ENTREP2: variants seen among roughly 807,000 people sequenced by gnomAD.
ENTREP2 encodes protein ENTREP2.
At chr15:29,275,628 C>T in the ENTREP2 span, among the ~76,000 whole-genome samples, 1 of 152,214 alleles carries the variant, frequency 6.6e-6, no homozygotes, top group African/African-American at 2.4e-5. Flanking sequence ...GAAATGCCTA[C>T]TACAAATTGC....
chr15:29,124,277 G>A, the ENTREP2 span, among the ~76,000 whole-genome samples: 3 of 152,198 alleles, frequency 2.0e-5, no homozygotes, highest in Non-Finnish European at 4.4e-5. Flanking sequence ...GGCGAGGGAC[G>A]CCAACAAGGA....
chr15:29,166,224 G>A, the ENTREP2 span, among the ~76,000 whole-genome samples: 1 of 152,130 alleles, frequency 6.6e-6, no homozygotes, highest in Non-Finnish European at 1.5e-5. Flanking sequence ...AATACTGAAT[G>A]GGGAAAAACT....
the ENTREP2 span, among the ~76,000 whole-genome samples, chr15:29,587,394 G>T: frequency 6.6e-6 from 1 of 152,048 alleles, no homozygotes; most frequent in African/African-American, 2.4e-5. Context: ...GGGTTCAGGA[G>T]CCCACTTTAG....
chr15:29,337,328 G>C, the ENTREP2 span, among the ~76,000 whole-genome samples: 1 of 152,272 alleles, frequency 6.6e-6, no homozygotes, highest in East Asian at 1.9e-4. Flanking sequence ...TGGGGGCATG[G>C]AGAACAGTGT....
At chr15:29,627,945 C>A in the ENTREP2 span, among the ~76,000 whole-genome samples, 4 of 152,194 alleles carry the variant, frequency 2.6e-5, no homozygotes, top group African/African-American at 7.2e-5. Flanking sequence ...CTGCTGTGAA[C>A]AGCAATGAAC....
chr15:29,166,300 T>C, the ENTREP2 span, among the ~76,000 whole-genome samples: 19 of 152,212 alleles, frequency 1.2e-4, no homozygotes, highest in African/African-American at 4.6e-4. Flanking sequence ...CTCTTCAACA[T>C]ACTACTGAAG....
chr15:29,505,890 CAA>C, the ENTREP2 span, among the ~76,000 whole-genome samples: 1 of 152,022 alleles, frequency 6.6e-6, no homozygotes, highest in Non-Finnish European at 1.5e-5. This position sits in a 1 kb window ranked among gnomAD's most constrained non-coding sequence, Gnocchi z 4.3. Context: ...AACAAGAAAA[CAA>C]AACTGGACAG....
the ENTREP2 span, among the ~76,000 whole-genome samples, chr15:29,201,713 A>G: frequency 2.6e-5 from 4 of 152,196 alleles, no homozygotes; most frequent in African/African-American, 9.7e-5. Flanking sequence ...ATATTACATT[A>G]ATAAGGGATA....
At chr15:29,369,732 A>C in the ENTREP2 span, among the ~76,000 whole-genome samples, 1 of 152,238 alleles carries the variant, frequency 6.6e-6, no homozygotes, top group East Asian at 1.9e-4. Context: ...GGTTTGTCCC[A>C]GTCAAAACTC....
At chr15:29,539,799 C>T in the ENTREP2 span, among the ~76,000 whole-genome samples, 79 of 152,274 alleles carry the variant, frequency 5.2e-4, no homozygotes, top group African/African-American at 1.9e-3. Context: ...GAACAGTGCC[C>T]CACATCCTGC....
At chr15:29,471,548 T>A in the ENTREP2 span, among the ~76,000 whole-genome samples, 1 of 151,894 alleles carries the variant, frequency 6.6e-6, no homozygotes, top group Admixed American at 6.6e-5. Context: ...GGCTGGCAGA[T>A]CCCTAGGAAT....
chr15:29,472,319 C>T, the ENTREP2 span, among the ~76,000 whole-genome samples: 8 of 151,916 alleles, frequency 5.3e-5, no homozygotes, highest in Non-Finnish European at 2.9e-5. Flanking sequence ...GGGCAGGTCT[C>T]GATAATCAAA....
At chr15:29,567,357 A>C in the ENTREP2 span, among the ~76,000 whole-genome samples, 2 of 152,128 alleles carry the variant, frequency 1.3e-5, no homozygotes, top group East Asian at 3.8e-4. Flanking sequence ...GGCATGTTTT[A>C]TGCTTTTCCT....
At chr15:29,289,838 T>TC in the ENTREP2 span, among the ~76,000 whole-genome samples, 3 of 151,998 alleles carry the variant, frequency 2.0e-5, no homozygotes, top group Non-Finnish European at 4.4e-5. Flanking sequence ...AGAGTGAGAC[T>TC]CCATCTCAAA....
the ENTREP2 span, among the ~76,000 whole-genome samples, chr15:29,214,606 G>A: frequency 6.6e-6 from 1 of 151,420 alleles, no homozygotes; most frequent in African/African-American, 2.4e-5. Flanking sequence ...GTTAATGGGT[G>A]CAGCACACCA....
the ENTREP2 span, among the ~76,000 whole-genome samples, chr15:29,557,880 G>A: frequency 2.0e-5 from 3 of 152,130 alleles, no homozygotes; most frequent in Admixed American, 6.5e-5. Context: ...TGTGCCAACC[G>A]CTCATGCCTA....
chr15:29,136,496 A>G, the ENTREP2 span: 9 of 1,547,696 alleles, frequency 5.8e-6, no homozygotes, highest in East Asian at 2.5e-5. Flanking sequence ...GTCCAGGTGG[A>G]GGCCCCTGAA....
chr15:29,479,787 C>T, the ENTREP2 span, among the ~76,000 whole-genome samples: 1 of 152,084 alleles, frequency 6.6e-6, no homozygotes, highest in Non-Finnish European at 1.5e-5. Context: ...AGGAATCTTG[C>T]AGAAGAAACA....
the ENTREP2 span, among the ~76,000 whole-genome samples, chr15:29,472,428 A>ACAC: frequency 4.3e-5 from 6 of 140,710 alleles, no homozygotes; most frequent in South Asian, 9.7e-4. Flanking sequence ...CACAACACAC[A>ACAC]ACACACACAC....
Sources: allele counts gnomAD v4.1 joint callset (sites outside exome capture counted in the v4.1 genomes callset), GRCh38; gene constraint gnomAD v4.1.1; non-coding constraint Gnocchi (gnomAD v3.1); transcripts MANE v1.5; gene names NCBI Gene and HGNC (gene_info 2026-07-23, HGNC 2026-07-21).